Variants in PARN observed in about 807,000 individuals in gnomAD.
PARN encodes the protein poly(A)-specific ribonuclease PARN.
Under a neutral mutation model 102.8 loss-of-function variants are expected in PARN, and 71 were observed. The observed-to-expected ratio is 0.69, with a 90% CI of 0.57 to 0.84. The LOEUF (loss-of-function observed/expected upper bound fraction) is 0.84. Ranked by LOEUF, PARN falls within the 40% of genes least tolerant of loss-of-function variation. PARN has a pLI of 0.00. For synonymous variants in PARN, 261 were observed against 252.9 expected (o/e 1.03, Z -0.30); for missense variants, 782 against 760.9 (o/e 1.03, Z -0.33).
intron 10 of PARN, among the ~76,000 whole-genome samples, chr16:14,605,954 G>T (rs1971151964): frequency 6.6e-6 from 1 of 152,052 alleles, no homozygotes; most frequent in Non-Finnish European, 1.5e-5. Context: ...CTTACCCACG[G>T]TATCACCATA....
intron 22 of PARN, among the ~76,000 whole-genome samples, chr16:14,471,782 T>G (rs1962758019): frequency 6.6e-6 from 1 of 152,242 alleles, no homozygotes; most frequent in Non-Finnish European, 1.5e-5. Flanking sequence ...TGGGCTTATT[T>G]CATTTTGCAT....
At position 14,562,649 on chromosome 16, in the gene PARN, TA is replaced by T. The variant is rs1219940185; in HGVS notation, c.1263-6941del. ...TACCACTCTTGTTTTTAAGTAGATT[TA>T]AAAAAAAAAAAAAAATTACTCAAAC... On this transcript the variant is annotated intron_variant, in intron 18 of 23. Coordinates refer to ENST00000437198, the MANE Select transcript of PARN (RefSeq NM_002582.4). Among the ~76,000 whole-genome samples the T allele has an allele frequency of 8.3e-3, 1,152 of 138,910 alleles. 3 individuals carry two copies. Among genetic ancestry groups the T allele is most frequent in the Middle Eastern group, 0.022 (6 of 274 alleles). 91.1% of individuals were successfully genotyped at this position (138,910 alleles called of 152,430 possible). A position where few individuals can be genotyped will look rare whatever the true frequency, so the allele number is the denominator to read the frequency against.
Position 14,606,528 on chromosome 16 carries a change from T to C in PARN, c.660-2A>G. ...TCAACATGAATGCCTTTCGGATACC[T>C]AAAGAAAAGAAAAACATAGTATCAG... On this transcript the variant is annotated splice_acceptor_variant, in intron 9 of 23. Coordinates refer to ENST00000437198, the MANE Select transcript of PARN (RefSeq NM_002582.4). LOFTEE classifies it high-confidence loss of function. The C allele has an allele frequency of 6.4e-7, 1 of 1,551,826 alleles. No individual in the cohort carries two copies. Among genetic ancestry groups the C allele is most frequent in the South Asian group, 1.2e-5 (1 of 85,562 alleles).
At chr16:14,463,548 A>AT (rs1962116855) in intron 22 of PARN, among the ~76,000 whole-genome samples, 1 of 152,168 alleles carries the variant, frequency 6.6e-6, no homozygotes, top group South Asian at 2.1e-4. Context: ...ACTGAAGGGT[A>AT]TTTATAACTG....
At chr16:14,477,709 T>C (rs766234854) in intron 22 of PARN, among the ~76,000 whole-genome samples, 21 of 150,334 alleles carry the variant, frequency 1.4e-4, no homozygotes, top group Non-Finnish European at 2.4e-4. Context: ...AACCAGGGAG[T>C]TGGAGGTTGC....
intron 21 of PARN, among the ~76,000 whole-genome samples, chr16:14,519,738 C>T (rs1170060847): frequency 6.6e-6 from 1 of 152,152 alleles, no homozygotes; most frequent in African/African-American, 2.4e-5. Flanking sequence ...TAACTGGCCA[C>T]TACTGTCCAT....
intron 18 of PARN, among the ~76,000 whole-genome samples, chr16:14,557,922 A>G (rs978419370): frequency 1.3e-5 from 2 of 152,190 alleles, no homozygotes; most frequent in Non-Finnish European, 2.9e-5. Context: ...AGCATAAACG[A>G]TACACACTGG....
Position 14,629,302 on chromosome 16 carries a change from C to A in PARN, c.97+295G>T, listed in dbSNP as rs151124515. Among the ~76,000 whole-genome samples, 156 of 152,268 alleles carry A rather than the reference C, an allele frequency of 1.0e-3. 1 individual carries two copies. The highest frequency in any genetic ancestry group is 3.4e-3 in the African/African-American group (141 of 41,554). On this transcript the variant is annotated intron_variant, in intron 2 of 23. Transcript: ENST00000437198. ...CCTATTTTACAATCAAGAAAAAAAA[C>A]AGTCTGACCCTAATCCTCAAGCTCT...
chr16:14,585,978 C>CT, intron 14 of PARN, among the ~76,000 whole-genome samples: 1 of 145,800 alleles, frequency 6.9e-6, no homozygotes, highest in African/African-American at 2.5e-5. Flanking sequence ...GTCACAATGA[C>CT]TCTTTTTTTT....
In PARN at chr16:14,436,530, G is replaced by C. The variant is rs1960704098; in HGVS notation, c.*187C>G. ...GAGTGTCAATGTCAACAGGCAGTTA[G>C]ATTAAAAAGGGGAAAAAACCACAGC... On this transcript the variant is annotated 3_prime_UTR_variant, in exon 24 of 24. Transcript: ENST00000437198. The C allele has an allele frequency of 3.3e-6, 2 of 606,120 alleles. No homozygotes were observed. The highest frequency in any genetic ancestry group is 2.9e-5 in the Admixed American group (1 of 34,454). 37.5% of individuals were successfully genotyped at this position (606,120 alleles called of 1,614,324 possible).
chr16:14,486,055 C>A (rs1480401928), intron 21 of PARN, among the ~76,000 whole-genome samples: 1 of 152,186 alleles, frequency 6.6e-6, no homozygotes, highest in South Asian at 2.1e-4. Context: ...GGGATGACAT[C>A]TGCAATAATC....
intron 21 of PARN, among the ~76,000 whole-genome samples, chr16:14,507,145 G>A (rs902580751): frequency 1.3e-5 from 2 of 151,872 alleles, no homozygotes; most frequent in Non-Finnish European, 2.9e-5. Context: ...TGACCAACAT[G>A]GAGAAACCCC....
At chr16:14,593,978 CAG>C (rs1970355506) in intron 12 of PARN, among the ~76,000 whole-genome samples, 1 of 151,136 alleles carries the variant, frequency 6.6e-6, no homozygotes, top group Non-Finnish European at 1.5e-5. Flanking sequence ...GCCTGGGCAA[CAG>C]AGTGAGACCC....
At chr16:14,620,308 C>T (rs538501392) in intron 5 of PARN, among the ~76,000 whole-genome samples, 174 of 152,152 alleles carry the variant, frequency 1.1e-3, no homozygotes, top group African/African-American at 3.7e-3. Context: ...ACCAGGGAGG[C>T]GGAGCTTGCA....
At chr16:14,594,197 G>A (rs1418167386) in intron 12 of PARN, among the ~76,000 whole-genome samples, 3 of 152,066 alleles carry the variant, frequency 2.0e-5, no homozygotes, top group Admixed American at 1.3e-4. Context: ...ATATCATTAT[G>A]TCAAAATTCA....
At chr16:14,483,622 G>T (rs1257087951) in intron 21 of PARN, among the ~76,000 whole-genome samples, 1 of 152,076 alleles carries the variant, frequency 6.6e-6, no homozygotes, top group South Asian at 2.1e-4. Context: ...CATCCATCAC[G>T]CAAATTAAGA....
At chr16:14,568,164 A>G (rs1056975501) in intron 18 of PARN, among the ~76,000 whole-genome samples, 1 of 151,482 alleles carries the variant, frequency 6.6e-6, no homozygotes, top group Admixed American at 6.6e-5. Flanking sequence ...AGTCTGGGTG[A>G]CAGGGCGCGA....
At chr16:14,511,258 T>C (rs976251916) in intron 21 of PARN, among the ~76,000 whole-genome samples, 5 of 151,072 alleles carry the variant, frequency 3.3e-5, no homozygotes, top group African/African-American at 1.2e-4. Flanking sequence ...GGTCTCATTA[T>C]CTTTTAAAGG....
intron 22 of PARN, among the ~76,000 whole-genome samples, chr16:14,480,443 G>C (rs1963316231): frequency 6.6e-6 from 1 of 152,122 alleles, no homozygotes. Flanking sequence ...TCTGACAAAG[G>C]CTATGTATCC....
Sources: gnomAD v4.1 joint callset for allele counts (sites outside exome capture counted in the v4.1 genomes callset) on GRCh38, gnomAD v4.1.1 for gene constraint, MANE v1.5 for transcripts, NCBI Gene and HGNC (gene_info 2026-07-23, HGNC 2026-07-21) for gene names.